The following MAPKAPK5 variants were observed in gnomAD, a reference collection of about 807,000 sequenced individuals.
MAPKAPK5 encodes the protein MAP kinase-activated protein kinase 5.
Under a neutral mutation model 65.1 loss-of-function variants are expected in MAPKAPK5, and 30 were observed. The observed-to-expected ratio is 0.46, with a 90% CI of 0.34 to 0.63. The LOEUF is 0.63. Ranked by LOEUF, MAPKAPK5 falls within the 20% of genes least tolerant of loss-of-function variation. The probability of loss-of-function intolerance (pLI) is 0.01; values close to 1 mark genes in which losing one functional copy is unlikely to be tolerated. For synonymous variants in MAPKAPK5, 179 were observed against 204.6 expected (o/e 0.87, Z 1.07); for missense variants, 433 against 581.4 (o/e 0.74, Z 2.63).
intron 12 of MAPKAPK5, chr12:111,889,748 A>C: frequency 3.7e-6 from 1 of 270,450 alleles, no homozygotes; most frequent in South Asian, 5.8e-5. Flanking sequence ...TTGGTTGACC[A>C]GGTGTCTTTT....
chr12:111,880,568 C>T (rs559637586), intron 8 of MAPKAPK5, 41 bp downstream of exon 8: 3 of 1,571,938 alleles, frequency 1.9e-6, no homozygotes, highest in Admixed American at 3.3e-5. Flanking sequence ...CAGATGCAGC[C>T]CCTCTCCTTT....
At chr12:111,846,851 A>G (rs987576107) in intron 1 of MAPKAPK5, among the ~76,000 whole-genome samples, 11 of 152,138 alleles carry the variant, frequency 7.2e-5, no homozygotes, top group Non-Finnish European at 1.3e-4. Context: ...ATCTCTTGCC[A>G]TATTGCCTGG....
At chr12:111,889,156 T>C (rs1427610410) in intron 12 of MAPKAPK5, 156 bp downstream of exon 12, 33 of 722,578 alleles carry the variant, frequency 4.6e-5, no homozygotes, top group Non-Finnish European at 6.2e-5. Flanking sequence ...TATAAGGTAG[T>C]CTATGCCCAC....
rs1271834638 is a variant in MAPKAPK5, at chr12:111,900,541, G to C, written c.*7480G>C. The C allele has an allele frequency of 2.2e-6, 1 of 455,974 alleles. No homozygotes were observed. Among genetic ancestry groups the C allele is most frequent in the Admixed American group, 2.3e-5 (1 of 42,560 alleles). 28.2% of individuals were successfully genotyped at this position (455,974 alleles called of 1,614,324 possible). A position where few individuals can be genotyped will look rare whatever the true frequency, so the allele number is the denominator to read the frequency against. ...GGGGCCTGCCTATTTAACAAGCCACGGCCCAGGGGCCGCAAGCGTAGGGAT... is the reference window on the plus strand; with the variant it reads ...GGGGCCTGCCTATTTAACAAGCCACCGCCCAGGGGCCGCAAGCGTAGGGAT... On this transcript the variant is annotated 3_prime_UTR_variant, in exon 14 of 14. Coordinates refer to ENST00000550735, the MANE Select transcript of MAPKAPK5 (RefSeq NM_003668.4).
intron 1 of MAPKAPK5, among the ~76,000 whole-genome samples, chr12:111,845,905 A>G (rs1319202316): frequency 1.3e-5 from 2 of 152,162 alleles, no homozygotes; most frequent in African/African-American, 2.4e-5. Context: ...CCTGGGCGAC[A>G]GAGTTAGACT....
intron 7 of MAPKAPK5, among the ~76,000 whole-genome samples, chr12:111,873,561 T>A (rs1242774813): frequency 6.6e-6 from 1 of 152,140 alleles, no homozygotes; most frequent in Non-Finnish European, 1.5e-5. Flanking sequence ...GCCAGGATGG[T>A]CTTGATCTCT....
At chr12:111,851,702 G>T (rs1366693336) in intron 1 of MAPKAPK5, among the ~76,000 whole-genome samples, 1 of 152,218 alleles carries the variant, frequency 6.6e-6, no homozygotes, top group Non-Finnish European at 1.5e-5. Flanking sequence ...CTGATAGAAT[G>T]TAGTGAAAGT....
chr12:111,870,685 C>G (rs1808405203), intron 6 of MAPKAPK5, among the ~76,000 whole-genome samples: 1 of 152,164 alleles, frequency 6.6e-6, no homozygotes, highest in African/African-American at 2.4e-5. Flanking sequence ...CCTTTCAGCT[C>G]TGTCCCCTGC....
At chr12:111,849,345 T>A (rs2068999342) in intron 1 of MAPKAPK5, among the ~76,000 whole-genome samples, 1 of 151,090 alleles carries the variant, frequency 6.6e-6, no homozygotes, top group Non-Finnish European at 1.5e-5. Context: ...AACCTCCACC[T>A]CCCGGGTTCA....
rs1156639153 is a variant in MAPKAPK5, at chr12:111,896,424, C to T, written c.*3363C>T. On this transcript the variant is annotated 3_prime_UTR_variant, in exon 14 of 14. Transcript: ENST00000550735. ...TGCAACAGCATACCTTGAAAAAAAA[C>T]AGTAGCTCCCAAGGGACTCAGCATG... The T allele has an allele frequency of 1.3e-5, 2 of 152,104 alleles. No individual in the cohort carries two copies. The highest frequency in any genetic ancestry group is 3.8e-4 in the East Asian group (2 of 5,200). The allele number at this position is 152,104 out of a possible 1,614,324, so 9.4% of individuals were successfully genotyped here. A position where few individuals can be genotyped will look rare whatever the true frequency, so the allele number is the denominator to read the frequency against.
chr12:111,883,529 A>G lies in MAPKAPK5; in HGVS notation c.661-52A>G. The G allele has an allele frequency of 6.5e-7, 1 of 1,549,976 alleles. No individual in the cohort carries two copies. Among genetic ancestry groups the G allele is most frequent in the South Asian group, 1.2e-5 (1 of 85,876 alleles). On this transcript the variant is annotated intron_variant, in intron 8 of 13. Coordinates refer to ENST00000550735, the MANE Select transcript of MAPKAPK5 (RefSeq NM_003668.4). This position sits in a 1 kb window ranked among gnomAD's most constrained non-coding sequence, Gnocchi z 4.8. ...TTCCTGAGCCTGTCATGGGGTGTTT[A>G]TTTGGGGGCTCTGCTTCTGCTGTGA... is the stretch of plus-strand genomic sequence containing the variant.
rs757940545 is a variant in MAPKAPK5 at position 111,883,679 on chromosome 12, T to C, written c.759T>C (p.Asp253=). The change falls in exon 9 of 14, where the codon GAT becomes GAC. Residue 253 remains aspartate, a synonymous_variant. Transcript: ENST00000550735. This position sits in a 1 kb window ranked among gnomAD's most constrained non-coding sequence, Gnocchi z 4.8. ...ACCACAGCCGGACTATCCCAAAGGA[T>C]ATGCGAAGAAAGATCATGACAGGCA... is the stretch of plus-strand genomic sequence containing the variant. The part of the protein sequence containing the change: ...SKHHSRTIPK[D]MRRKIMTGSF... 3 of 1,613,850 alleles carry C rather than the reference T, an allele frequency of 1.9e-6. No homozygotes were observed. The highest frequency in any genetic ancestry group is 2.5e-6 in the Non-Finnish European group (3 of 1,179,898).
chr12:111,845,395 A>G (rs1013823280), intron 1 of MAPKAPK5, among the ~76,000 whole-genome samples: 4 of 152,112 alleles, frequency 2.6e-5, no homozygotes, highest in South Asian at 2.1e-4. Flanking sequence ...ACCTCAGGTT[A>G]TCTGTCCGCC....
chr12:111,883,533 G>A lies in MAPKAPK5; in HGVS notation c.661-48G>A, dbSNP rs1490669177. 2 of 1,555,880 alleles carry A rather than the reference G, an allele frequency of 1.3e-6. No homozygotes were observed. Among genetic ancestry groups the A allele is most frequent in the African/African-American group, 2.7e-5 (2 of 73,460 alleles). On this transcript the variant is annotated intron_variant, in intron 8 of 13. Coordinates refer to ENST00000550735, the MANE Select transcript of MAPKAPK5 (RefSeq NM_003668.4). This position sits in a 1 kb window ranked among gnomAD's most constrained non-coding sequence, Gnocchi z 4.8. ...TGAGCCTGTCATGGGGTGTTTATTT[G>A]GGGGCTCTGCTTCTGCTGTGAGTGA...
At chr12:111,866,911 T>G (rs906532625) in intron 3 of MAPKAPK5, among the ~76,000 whole-genome samples, 1 of 152,142 alleles carries the variant, frequency 6.6e-6, no homozygotes, top group African/African-American at 2.4e-5. Context: ...CTTTAGTTTT[T>G]AAAAATATAC....
In MAPKAPK5 at chr12:111,893,980, T is replaced by G. The variant is rs2070713359; in HGVS notation, c.*919T>G. On this transcript the variant is annotated 3_prime_UTR_variant, in exon 14 of 14. Coordinates refer to ENST00000550735, the MANE Select transcript of MAPKAPK5 (RefSeq NM_003668.4). ...ATACGTCTGCCTTGGCCTCCCAAAG[T>G]GCTGGGATTACAGGCGTGAGCCACT... The G allele has an allele frequency of 6.5e-6, 1 of 153,128 alleles. No individual in the cohort carries two copies. Among genetic ancestry groups the G allele is most frequent in the Admixed American group, 6.6e-5 (1 of 15,242 alleles). 9.5% of individuals were successfully genotyped at this position (153,128 alleles called of 1,614,324 possible).
intron 7 of MAPKAPK5, among the ~76,000 whole-genome samples, chr12:111,873,169 G>A (rs2069839536): frequency 6.6e-6 from 1 of 151,870 alleles, no homozygotes. Flanking sequence ...TTACATTTGG[G>A]TCTGTAATTC....
At chr12:111,872,371 A>G (rs1339243242) in intron 7 of MAPKAPK5, among the ~76,000 whole-genome samples, 1 of 152,120 alleles carries the variant, frequency 6.6e-6, no homozygotes, top group African/African-American at 2.4e-5. Context: ...GATGGCCACT[A>G]TTTTGGAGCA....
intron 8 of MAPKAPK5, among the ~76,000 whole-genome samples, chr12:111,882,106 C>G (rs1459733185): frequency 6.6e-6 from 1 of 152,126 alleles, no homozygotes; most frequent in South Asian, 2.1e-4. Context: ...GCAGGCCTGG[C>G]GCAGTGGCTC....
Sources: gnomAD v4.1 joint callset for allele counts (sites outside exome capture counted in the v4.1 genomes callset) on GRCh38, gnomAD v4.1.1 for gene constraint, Gnocchi (gnomAD v3.1) non-coding constraint, MANE v1.5 for transcripts, NCBI Gene and HGNC (gene_info 2026-07-23, HGNC 2026-07-21) for gene names.